Variants in CELF2 observed in about 807,000 individuals in gnomAD.
CELF2 encodes the protein CUG triplet repeat RNA-binding protein 2.
CELF2 carries 8 observed loss-of-function variants against 62.6 expected under a neutral mutation model. That is an observed-to-expected ratio of 0.13 (90% CI 0.07 to 0.23). CELF2 has a LOEUF of 0.23. Among genes scored for constraint, CELF2 ranks in the 10% least tolerant of loss-of-function variants. CELF2 has a pLI of 1.00. For missense variants in CELF2, 333 were observed against 671.0 expected (o/e 0.50, Z 5.56); for synonymous variants, 258 against 250.0 (o/e 1.03, Z -0.30).
At chr10:10,975,427 C>T (rs990555021) in intron 2 of CELF2, among the ~76,000 whole-genome samples, 4 of 152,180 alleles carry the variant, frequency 2.6e-5, no homozygotes, top group African/African-American at 9.7e-5. Flanking sequence ...AGCCACTGCG[C>T]CTGGCCAACA....
chr10:11,291,713 G>T (rs1565810802), intron 9 of CELF2, among the ~76,000 whole-genome samples: 1 of 152,058 alleles, frequency 6.6e-6, no homozygotes, highest in Non-Finnish European at 1.5e-5. Flanking sequence ...GTCATTTATT[G>T]TTACCCAGTT....
In CELF2 at chr10:10,850,269, G is replaced by GA. The variant is rs1329049451; in HGVS notation, c.53+51459dup. On this transcript the variant is annotated intron_variant, in intron 1 of 13. Transcript: ENST00000636488. ...GCAACACTCTGAAATTACACAACTAGAAAAAAATGCCCAAACATGTGGCAG... is the reference window on the plus strand; with the variant it reads ...GCAACACTCTGAAATTACACAACTAGAAAAAAAATGCCCAAACATGTGGCAG... Among the ~76,000 whole-genome samples, 14 of 152,250 alleles carry GA rather than the reference G, an allele frequency of 9.2e-5. No homozygotes were observed. The South Asian group carries it at 2.1e-3, about 23-fold the overall frequency.
At chr10:11,085,135 C>T (rs540763191) in intron 1 of CELF2, among the ~76,000 whole-genome samples, 1 of 152,296 alleles carries the variant, frequency 6.6e-6, no homozygotes, top group Non-Finnish European at 1.5e-5. Context: ...ATTTAATCAT[C>T]ATGCTGTTCT....
At chr10:10,970,849 T>C (rs988677708) in intron 2 of CELF2, 2 of 152,196 alleles carry the variant, frequency 1.3e-5, no homozygotes, top group Non-Finnish European at 2.9e-5. Context: ...CTCCTTTTCT[T>C]TTTTTGGATA....
Position 11,335,160 on chromosome 10 carries a change from A to G in CELF2, c.*6107A>G, listed in dbSNP as rs1474254674. On this transcript the variant is annotated 3_prime_UTR_variant, in exon 13 of 13. Coordinates refer to ENST00000633077, the MANE Select transcript of CELF2 (RefSeq NM_001326342.2). This position sits in a 1 kb window ranked among gnomAD's most constrained non-coding sequence, Gnocchi z 5.0. ...CACACACTCCCTCCTGGATGAACCT[A>G]AGTCTCGTCCCCACTGTCACCCCAA... The G allele has an allele frequency of 6.6e-6, 1 of 152,348 alleles. No homozygotes were observed. Among genetic ancestry groups the G allele is most frequent in the African/African-American group, 2.4e-5 (1 of 41,426 alleles). 9.4% of individuals were successfully genotyped at this position (152,348 alleles called of 1,614,324 possible). A position where few individuals can be genotyped will look rare whatever the true frequency, so the allele number is the denominator to read the frequency against.
At chr10:10,630,497 T>C in the CELF2 span, among the ~76,000 whole-genome samples, 1 of 152,168 alleles carries the variant, frequency 6.6e-6, no homozygotes, top group African/African-American at 2.4e-5. Flanking sequence ...GCTGAAATCA[T>C]GAAGCACCTT....
intron 1 of CELF2, among the ~76,000 whole-genome samples, chr10:10,872,730 A>C (rs2133422474): frequency 6.6e-6 from 1 of 152,308 alleles, no homozygotes; most frequent in East Asian, 1.9e-4. Flanking sequence ...TTTATGGAAA[A>C]ATTTTTTTTG....
intron 8 of CELF2, among the ~76,000 whole-genome samples, chr10:11,284,083 TGG>T (rs2090150079): frequency 9.5e-6 from 1 of 105,398 alleles, no homozygotes; most frequent in Admixed American, 1.0e-4. Flanking sequence ...GGATGATGGA[TGG>T]AGGAGTGGGT....
At chr10:11,042,873 T>C (rs1375924846) in intron 1 of CELF2, among the ~76,000 whole-genome samples, 1 of 152,224 alleles carries the variant, frequency 6.6e-6, no homozygotes, top group African/African-American at 2.4e-5. Context: ...TCTCAGGACC[T>C]CATTTTTATG....
At chr10:10,920,959 T>C (rs1398242885) in intron 2 of CELF2, among the ~76,000 whole-genome samples, 1 of 152,126 alleles carries the variant, frequency 6.6e-6, no homozygotes, top group Non-Finnish European at 1.5e-5. Flanking sequence ...TTGTTGTTGT[T>C]GTTGTTATTT....
the CELF2 span, among the ~76,000 whole-genome samples, chr10:10,735,655 C>T: frequency 6.6e-6 from 1 of 152,300 alleles, no homozygotes; most frequent in African/African-American, 2.4e-5. Flanking sequence ...ATCCCCATGA[C>T]GTTAAAGAAG....
chr10:10,755,618 C>T, the CELF2 span, among the ~76,000 whole-genome samples: 1 of 152,346 alleles, frequency 6.6e-6, no homozygotes, highest in African/African-American at 2.4e-5. Context: ...AAAGAGACAT[C>T]TTTGTAACCC....
chr10:10,709,530 T>C, the CELF2 span, among the ~76,000 whole-genome samples: 2 of 152,158 alleles, frequency 1.3e-5, no homozygotes, highest in African/African-American at 4.8e-5. Flanking sequence ...GATTAGGGAC[T>C]AGGAAGTAAA....
intron 1 of CELF2, among the ~76,000 whole-genome samples, chr10:10,865,888 A>G (rs904902318): frequency 6.6e-5 from 10 of 152,206 alleles, no homozygotes; most frequent in African/African-American, 2.4e-4. Context: ...TAAAGCAGCT[A>G]CATCACTGGG....
intron 3 of CELF2, among the ~76,000 whole-genome samples, chr10:11,218,712 C>T (rs1251143753): frequency 6.6e-6 from 1 of 152,138 alleles, no homozygotes; most frequent in Non-Finnish European, 1.5e-5. Flanking sequence ...ATGGTCCTGC[C>T]CAGTTTCACT....
chr10:11,253,638 C>T (rs747840291), intron 4 of CELF2, among the ~76,000 whole-genome samples: 29 of 152,128 alleles, frequency 1.9e-4, no homozygotes, highest in Non-Finnish European at 3.5e-4. Context: ...CGGGTGTTAG[C>T]GCAGACTTAC....
the CELF2 span, among the ~76,000 whole-genome samples, chr10:10,607,840 C>T: frequency 6.6e-6 from 1 of 152,282 alleles, no homozygotes; most frequent in African/African-American, 2.4e-5. Flanking sequence ...CCTGTAATCC[C>T]AGCACTTTGG....
chr10:10,735,378 A>T, the CELF2 span, among the ~76,000 whole-genome samples: 1 of 152,228 alleles, frequency 6.6e-6, no homozygotes, highest in Non-Finnish European at 1.5e-5. Context: ...TCAAGGCATC[A>T]GTATGTTGCG....
chr10:11,264,312 CAAAT>C (rs1221306078), intron 5 of CELF2, among the ~76,000 whole-genome samples: 1 of 152,206 alleles, frequency 6.6e-6, no homozygotes, highest in Non-Finnish European at 1.5e-5. Flanking sequence ...GAAATTGTGG[CAAAT>C]GCATAAACTG....
Sources: allele counts gnomAD v4.1 joint callset (sites outside exome capture counted in the v4.1 genomes callset), GRCh38; gene constraint gnomAD v4.1.1; non-coding constraint Gnocchi (gnomAD v3.1); transcripts MANE v1.5; gene names NCBI Gene and HGNC (gene_info 2026-07-23, HGNC 2026-07-21).